The following RANBP2 variants were observed in gnomAD, a reference collection of about 807,000 sequenced individuals.
The protein encoded by RANBP2 is RAN binding protein 2, also known as E3 SUMO-protein ligase RanBP2.
A neutral mutation model predicts 303.6 loss-of-function variants in RANBP2; 57 were observed. That is an observed-to-expected ratio of 0.19 (90% CI 0.15 to 0.23). RANBP2 has a LOEUF of 0.23. RANBP2 is among the 10% of genes least tolerant of loss of function. The probability of loss-of-function intolerance (pLI) is 1.00; values close to 1 mark genes in which losing one functional copy is unlikely to be tolerated. For missense variants in RANBP2, 3,138 were observed against 3,780.8 expected, an observed-to-expected ratio of 0.83 and a Z score of 4.46; for synonymous variants, 1,167 against 1,301.5, an observed-to-expected ratio of 0.90 and a Z score of 2.23.
At chr2:109,478,416 C>G in the RANBP2 span, among the ~76,000 whole-genome samples, 1 of 152,208 alleles carries the variant, frequency 6.6e-6, no homozygotes, top group Non-Finnish European at 1.5e-5. Flanking sequence ...AACACCCCAT[C>G]AGTGTGAGAT....
chr2:109,614,781 C>A, the RANBP2 span: 1 of 1,477,284 alleles, frequency 6.8e-7, no homozygotes. Context: ...GCCGCGAATC[C>A]AGGTGACCGC....
chr2:109,078,267 C>CAT, the RANBP2 span, among the ~76,000 whole-genome samples: 1 of 17,554 alleles, frequency 5.7e-5, no homozygotes, highest in East Asian at 1.8e-3. Context: ...ATATATAGCG[C>CAT]GTATATATAT....
the RANBP2 span, among the ~76,000 whole-genome samples, chr2:109,405,583 C>T: frequency 6.6e-6 from 1 of 152,226 alleles, no homozygotes; most frequent in Non-Finnish European, 1.5e-5. Context: ...CCTTTTGCTG[C>T]CCCTCAGCAT....
At chr2:109,565,931 A>G in the RANBP2 span, 2 of 1,274,958 alleles carry the variant, frequency 1.6e-6, no homozygotes, top group African/African-American at 2.9e-5. Context: ...ATTTTATGTG[A>G]GAGAGAAGAG....
chr2:109,560,713 C>A, the RANBP2 span, among the ~76,000 whole-genome samples: 2 of 152,086 alleles, frequency 1.3e-5, no homozygotes, highest in South Asian at 4.2e-4. Flanking sequence ...TGCTGCCTCA[C>A]ACACACACAA....
At chr2:109,147,676 T>C in the RANBP2 span, among the ~76,000 whole-genome samples, 92 of 152,346 alleles carry the variant, frequency 6.0e-4, no homozygotes, top group African/African-American at 2.1e-3. Context: ...TGAAGTGACC[T>C]TTCTTGTATA....
chr2:109,370,935 A>G, the RANBP2 span, among the ~76,000 whole-genome samples: 1 of 152,242 alleles, frequency 6.6e-6, no homozygotes, highest in African/African-American at 2.4e-5. Flanking sequence ...GGATGAAGCC[A>G]GAATCTTAAA....
the RANBP2 span, chr2:109,545,970 T>A: frequency 1.5e-5 from 23 of 1,493,588 alleles, no homozygotes; most frequent in Middle Eastern, 5.1e-4. Flanking sequence ...GAAGCAGAAG[T>A]AAGAAGCGCT....
chr2:109,170,232 CTCTTCTTT>C, the RANBP2 span, among the ~76,000 whole-genome samples: 45 of 50,824 alleles, frequency 8.9e-4, no homozygotes, highest in Non-Finnish European at 1.1e-3. Context: ...CTCTTCTCTT[CTCTTCTTT>C]TCTTTTCTCT....
At chr2:109,709,082 C>T in the RANBP2 span, among the ~76,000 whole-genome samples, 8 of 151,836 alleles carry the variant, frequency 5.3e-5, no homozygotes, top group Middle Eastern at 3.2e-3. Flanking sequence ...GTGGGTGGAT[C>T]ACCTGAGGTC....
At chr2:109,092,455 C>G in the RANBP2 span, among the ~76,000 whole-genome samples, 1 of 152,180 alleles carries the variant, frequency 6.6e-6, no homozygotes, top group Non-Finnish European at 1.5e-5. Context: ...GTATATTTTG[C>G]TGGGATAGAA....
chr2:109,067,453 G>A, the RANBP2 span, among the ~76,000 whole-genome samples: 1 of 152,220 alleles, frequency 6.6e-6, no homozygotes, highest in Admixed American at 6.5e-5. Flanking sequence ...GGGGGAGGCA[G>A]CGGAGGTGCA....
the RANBP2 span, among the ~76,000 whole-genome samples, chr2:109,334,946 AC>A: frequency 6.6e-6 from 1 of 152,028 alleles, no homozygotes; most frequent in Non-Finnish European, 1.5e-5. Context: ...TCTGCTTTTA[AC>A]TCTTTGCGTG....
the RANBP2 span, among the ~76,000 whole-genome samples, chr2:109,391,274 C>T: frequency 3.4e-4 from 52 of 152,364 alleles, no homozygotes; most frequent in Middle Eastern, 3.4e-3. Flanking sequence ...GCCCATTGGG[C>T]AGCCCGACAG....
chr2:109,255,638 G>A, the RANBP2 span, among the ~76,000 whole-genome samples: 4 of 152,232 alleles, frequency 2.6e-5, no homozygotes, highest in East Asian at 7.7e-4. Flanking sequence ...TTTGAGAACT[G>A]TTGGGAACAA....
the RANBP2 span, among the ~76,000 whole-genome samples, chr2:109,309,277 A>C: frequency 2.7e-5 from 4 of 148,822 alleles, no homozygotes; most frequent in South Asian, 2.1e-4. Flanking sequence ...TTGATTTTGT[A>C]TCCTGAGACT....
At chr2:109,654,972 G>A in the RANBP2 span, among the ~76,000 whole-genome samples, 5 of 151,222 alleles carry the variant, frequency 3.3e-5, no homozygotes, top group East Asian at 9.7e-4. Flanking sequence ...GCGTGATCTC[G>A]GCTCATTGCA....
At chr2:109,511,278 G>C in the RANBP2 span, among the ~76,000 whole-genome samples, 6 of 152,314 alleles carry the variant, frequency 3.9e-5, no homozygotes, top group South Asian at 1.2e-3. Flanking sequence ...AGCCTGACTC[G>C]GGACTGGAGA....
At chr2:109,726,579 C>T in the RANBP2 span, among the ~76,000 whole-genome samples, 2 of 152,152 alleles carry the variant, frequency 1.3e-5, no homozygotes, top group African/African-American at 2.4e-5. Flanking sequence ...TAACCACTTT[C>T]GTTACTAGGC....
Sources: gnomAD v4.1 joint callset for allele counts (sites outside exome capture counted in the v4.1 genomes callset) on GRCh38, gnomAD v4.1.1 for gene constraint, MANE v1.5 for transcripts, NCBI Gene and HGNC (gene_info 2026-07-23, HGNC 2026-07-21) for gene names.